Variants in YTHDC2 observed in about 807,000 individuals in gnomAD.
YTHDC2 encodes 3'-5' RNA helicase YTHDC2.
A neutral mutation model predicts 174.9 loss-of-function variants in YTHDC2; 45 were observed. The observed-to-expected ratio is 0.26, with a 90% CI of 0.20 to 0.33. The LOEUF (loss-of-function observed/expected upper bound fraction) is 0.33, where lower values mean the gene tolerates loss of function less well. YTHDC2 is among the 10% of genes least tolerant of loss of function. The pLI is 1.00. For synonymous variants in YTHDC2, 657 were observed against 574.5 expected, an observed-to-expected ratio of 1.14 and a Z score of -2.05; for missense variants, 1,650 against 1,723.7, an observed-to-expected ratio of 0.96 and a Z score of 0.76.
At chr5:113,565,738 A>C in intron 20 of YTHDC2, 155 bp from the exon 21 acceptor site, 1 of 693,542 alleles carries the variant, frequency 1.4e-6, no homozygotes, top group Non-Finnish European at 2.1e-6. Flanking sequence ...ATTAATGATA[A>C]ATATTATTTG....
At chr5:113,556,416 A>C (rs1776615186) in intron 17 of YTHDC2, 1 of 218,254 alleles carries the variant, frequency 4.6e-6, no homozygotes. Context: ...TAGGACAAAG[A>C]GCTAATTTCC....
At chr5:113,545,351 T>G (rs1323671365) in intron 10 of YTHDC2, among the ~76,000 whole-genome samples, 1 of 134,574 alleles carries the variant, frequency 7.4e-6, no homozygotes, top group Non-Finnish European at 1.6e-5. Context: ...TAAAGCTCAT[T>G]ATTCTTTTTT....
chr5:113,544,270 T>G (rs1775695640), intron 10 of YTHDC2, among the ~76,000 whole-genome samples: 1 of 152,110 alleles, frequency 6.6e-6, no homozygotes, highest in Non-Finnish European at 1.5e-5. Flanking sequence ...TGGCTCAGCC[T>G]CCTGAGTAGC....
intron 12 of YTHDC2, among the ~76,000 whole-genome samples, chr5:113,550,633 A>G (rs1776191650): frequency 6.6e-6 from 1 of 152,156 alleles, no homozygotes; most frequent in Non-Finnish European, 1.5e-5. Context: ...AATAGCAGAA[A>G]ATGAATGTTG....
intron 17 of YTHDC2, among the ~76,000 whole-genome samples, chr5:113,560,663 A>G (rs1327305519): frequency 1.3e-5 from 2 of 152,232 alleles, no homozygotes; most frequent in East Asian, 3.8e-4. Context: ...TGACAGGATA[A>G]ATGGCATTCC....
At chr5:113,554,092 T>G (rs1052545783) in intron 16 of YTHDC2, 70 bp downstream of exon 16, 1 of 1,284,232 alleles carries the variant, frequency 7.8e-7, no homozygotes, top group African/African-American at 1.6e-5. Context: ...AATACTTTTA[T>G]TTATTATTTA....
intron 17 of YTHDC2, 64 bp from the exon 18 acceptor site, chr5:113,561,016 C>A (rs1415911862): frequency 7.5e-7 from 1 of 1,327,046 alleles, no homozygotes; most frequent in Non-Finnish European, 1.0e-6. Context: ...AATCACATTG[C>A]GTTTACAGTT....
In YTHDC2 at chr5:113,541,010, A is replaced by G; in HGVS notation, c.1253A>G (p.Gln418Arg). The G allele has an allele frequency of 6.2e-7, 1 of 1,612,702 alleles. No individual in the cohort carries two copies. The highest frequency in any genetic ancestry group is 2.2e-5 in the East Asian group (1 of 44,876). The stretch of plus-strand genomic sequence containing the variant: ...ACACTTACAGAATGGTACTCAGCTC[A>G]AGAAAATAGTTTCAAGCCTGAATCT... Reference protein sequence around the residue: ...QTTLTEWYSAQENSFKPESQR... With the variant: ...QTTLTEWYSARENSFKPESQR... Residue 418 changes from glutamine (Q) to arginine (R), a missense_variant, in exon 9 of 30, where the codon CAA becomes CGA. Physicochemically the swap from Gln to Arg is conservative, Grantham distance 43 (BLOSUM62 1). This residue lies in a region of YTHDC2 where 411 missense variants were observed against 380.6 expected (regional missense o/e 1.08). Transcript: ENST00000161863.
rs77980807 is a variant in YTHDC2, at chr5:113,589,590, G to T, written c.3826-1451G>T. Among the ~76,000 whole-genome samples the T allele has an allele frequency of 8.4e-3, 1,280 of 151,578 alleles. 18 individuals are homozygous for T. The highest frequency in any genetic ancestry group is 0.03 in the African/African-American group (1,230 of 41,270). ...ACAAAAGAATAAAAAAATTAGTTGG[G>T]CATGGTGATGGGCCACCTGTATTCC... On this transcript the variant is annotated intron_variant, in intron 26 of 29. Coordinates refer to ENST00000161863, the MANE Select transcript of YTHDC2 (RefSeq NM_022828.5).
At chr5:113,537,260 G>T (rs996257740) in intron 7 of YTHDC2, among the ~76,000 whole-genome samples, 2 of 151,796 alleles carry the variant, frequency 1.3e-5, no homozygotes, top group South Asian at 2.1e-4. Flanking sequence ...AATTTTTACC[G>T]GTGTCGTTTG....
rs147764914 is a variant in YTHDC2, at chr5:113,548,979, C to G, written c.1647C>G (p.His549Gln). The G allele has an allele frequency of 3.5e-5, 57 of 1,613,106 alleles. No homozygotes were observed. In the African/African-American group the frequency reaches 6.9e-4, roughly 20 times the overall value. The change falls in exon 12 of 30, where the codon CAC becomes CAG. Residue 549 changes from histidine (H) to glutamine (Q), a missense_variant. Physicochemically the swap from His to Gln is conservative, Grantham distance 24 (BLOSUM62 0). Transcript: ENST00000161863. ...GGATGGCATTGGATTGGGCTAAACACTTTGGGCAGACTGAAATTGTGGATC... is the reference window on the plus strand; with the variant it reads ...GGATGGCATTGGATTGGGCTAAACAGTTTGGGCAGACTGAAATTGTGGATC... Reference protein sequence around the residue: ...NGWMALDWAKHFGQTEIVDLL... With the variant: ...NGWMALDWAKQFGQTEIVDLL...
At chr5:113,554,120 T>C in intron 16 of YTHDC2, 98 bp downstream of exon 16, 1 of 1,135,144 alleles carries the variant, frequency 8.8e-7, no homozygotes, top group Non-Finnish European at 1.2e-6. Context: ...TTCTTTTAAT[T>C]TTACCTCTAC....
chr5:113,589,654 C>T (rs1248461998), intron 26 of YTHDC2, among the ~76,000 whole-genome samples: 1 of 151,682 alleles, frequency 6.6e-6, no homozygotes, highest in East Asian at 1.9e-4. Context: ...ATCACATGAA[C>T]CCAGGAATTT....
At chr5:113,536,625 C>T (rs1191647804) in intron 7 of YTHDC2, among the ~76,000 whole-genome samples, 1 of 152,148 alleles carries the variant, frequency 6.6e-6, no homozygotes, top group African/African-American at 2.4e-5. Context: ...TATCCTTGTT[C>T]CATGTCCTAC....
chr5:113,548,765 G>T, intron 11 of YTHDC2, 98 bp downstream of exon 11: 3 of 1,319,992 alleles, frequency 2.3e-6, no homozygotes, highest in Middle Eastern at 2.6e-4. Context: ...AAACTATTGT[G>T]TAATAATTGC....
chr5:113,579,913 A>G, intron 24 of YTHDC2: 1 of 985,320 alleles, frequency 1.0e-6, no homozygotes, highest in Non-Finnish European at 1.2e-6. Flanking sequence ...TTATTTAAGC[A>G]AGGTAATTGT....
chr5:113,547,211 A>G (rs150552393), intron 10 of YTHDC2, among the ~76,000 whole-genome samples: 1 of 152,322 alleles, frequency 6.6e-6, no homozygotes, highest in African/African-American at 2.4e-5. Context: ...CTGTTCTCCA[A>G]GGCCATGAAT....
In YTHDC2 at chr5:113,567,773, G is replaced by A. The variant is rs765103151; in HGVS notation, c.3168G>A (p.Thr1056=). 42 of 1,608,710 alleles carry A rather than the reference G, an allele frequency of 2.6e-5. No homozygotes were observed. The highest frequency in any genetic ancestry group is 3.0e-5 in the Non-Finnish European group (35 of 1,177,412). The change falls in exon 23 of 30, where the codon ACG becomes ACA. Residue 1056 remains threonine (T), a synonymous_variant. Coordinates refer to ENST00000161863, the MANE Select transcript of YTHDC2 (RefSeq NM_022828.5). ...ATATTAGATGTTGTTCAGCAGTGAC[G>A]CCTGTCACTATATTGGTATTCTGTG... ...IANIRCCSAV[T]PVTILVFCGP...
rs776725441 is a variant in YTHDC2, at chr5:113,567,278, G to A, written c.3029G>A (p.Ser1010Asn). The change falls in exon 22 of 30, where the codon AGT (serine) becomes AAT (asparagine). Residue 1010 changes from serine to asparagine, a missense_variant. Physicochemically the swap from Ser to Asn is conservative, Grantham distance 46 (BLOSUM62 1). This residue lies in a region of YTHDC2 where 913 missense variants were observed against 940.4 expected (regional missense o/e 0.97). Coordinates refer to ENST00000161863, the MANE Select transcript of YTHDC2 (RefSeq NM_022828.5). ...CGATTTCATCCTGCTTCAGTTCTCA[G>A]TCAGCCTCAATATAAAAAGGTAAAA... ...KVRFHPASVL[S>N]QPQYKKIPPA... is the part of the protein sequence containing the mutation. 6.2e-7 allele frequency: 1 copy of A among 1,611,448 alleles called. No individual in the cohort carries two copies. Among genetic ancestry groups the A allele is most frequent in the African/African-American group, 1.3e-5 (1 of 74,740 alleles).
Sources: allele counts gnomAD v4.1 joint callset (sites outside exome capture counted in the v4.1 genomes callset), GRCh38; gene constraint gnomAD v4.1.1; regional missense constraint gnomAD v4.1.1; transcripts MANE v1.5; gene names NCBI Gene and HGNC (gene_info 2026-07-23, HGNC 2026-07-21).